JARID2: variants seen among roughly 807,000 people sequenced by gnomAD.
JARID2 encodes jumonji and AT-rich interaction domain containing 2, also known as protein Jumonji.
JARID2 carries 21 observed loss-of-function variants against 125.6 expected under a neutral mutation model. The observed-to-expected ratio is 0.17, with a 90% CI of 0.12 to 0.24. JARID2 has a LOEUF of 0.24. Ranked by LOEUF, JARID2 falls within the 10% of genes least tolerant of loss-of-function variation. JARID2 has a pLI of 1.00. For missense variants in JARID2, 1,303 were observed against 1,639.6 expected (o/e 0.79, Z 3.55); for synonymous variants, 736 against 661.6 (o/e 1.11, Z -1.73).
At chr6:15,275,278 G>T (rs1176219781) in intron 1 of JARID2, among the ~76,000 whole-genome samples, 1 of 152,158 alleles carries the variant, frequency 6.6e-6, no homozygotes, top group Non-Finnish European at 1.5e-5. Context: ...CTAAAAGGAG[G>T]TTACATAGAC....
intron 2 of JARID2, among the ~76,000 whole-genome samples, chr6:15,388,499 C>A (rs1427378829): frequency 4.0e-5 from 6 of 151,282 alleles, no homozygotes; most frequent in Admixed American, 4.0e-4. Context: ...AATTTCTTTC[C>A]CAAGGATGAT....
intron 2 of JARID2, among the ~76,000 whole-genome samples, chr6:15,393,552 G>A (rs1018240662): frequency 6.6e-6 from 1 of 152,186 alleles, no homozygotes; most frequent in African/African-American, 2.4e-5. Flanking sequence ...TCTGAATTGT[G>A]GAAAAATTCA....
chr6:15,259,011 C>T (rs954504742), intron 1 of JARID2, among the ~76,000 whole-genome samples: 5 of 152,130 alleles, frequency 3.3e-5, no homozygotes, highest in African/African-American at 9.7e-5. Context: ...GGTTTTTCTT[C>T]CTAACTTATG....
At chr6:15,377,488 T>G (rs1159100374) in intron 2 of JARID2, among the ~76,000 whole-genome samples, 2 of 151,862 alleles carry the variant, frequency 1.3e-5, no homozygotes, top group East Asian at 3.9e-4. Context: ...ATGGTGGTGG[T>G]TTTTTGTGAG....
rs183499492 is a variant in JARID2, at chr6:15,368,236, G to A, written c.46-5881G>A. On this transcript the variant is annotated intron_variant, in intron 1 of 17. Transcript: ENST00000341776. ...GTGGCCTGTACAAGGTTTTAATTTTGATGTTTTTTGTTTTTTTGTCTTTAA... is the reference window on the plus strand; with the variant it reads ...GTGGCCTGTACAAGGTTTTAATTTTAATGTTTTTTGTTTTTTTGTCTTTAA... Among the ~76,000 whole-genome samples the A allele has an allele frequency of 2.4e-3, 368 of 152,200 alleles. 1 individual carries two copies. The highest frequency in any genetic ancestry group is 8.0e-3 in the African/African-American group (333 of 41,498).
chr6:15,283,186 G>T (rs547949006), intron 1 of JARID2, among the ~76,000 whole-genome samples: 8 of 149,010 alleles, frequency 5.4e-5, no homozygotes, highest in Non-Finnish European at 1.2e-4. Flanking sequence ...CACCGTGTTA[G>T]CCAGGACGGT....
chr6:15,475,024 G>T (rs1345795716), intron 5 of JARID2, among the ~76,000 whole-genome samples: 1 of 152,196 alleles, frequency 6.6e-6, no homozygotes, highest in East Asian at 1.9e-4. Flanking sequence ...GGATCACCTA[G>T]AGCTTTGTTT....
At chr6:15,508,478 A>AG in intron 12 of JARID2, 24 bp downstream of exon 12, 1 of 1,247,396 alleles carries the variant, frequency 8.0e-7, no homozygotes, top group Non-Finnish European at 1.2e-6. Context: ...CCAGGCGGGA[A>AG]GGGAGGGACT....
chr6:15,324,652 T>G (rs1762475580), intron 1 of JARID2, among the ~76,000 whole-genome samples: 1 of 137,810 alleles, frequency 7.3e-6, no homozygotes. Flanking sequence ...GATTTTTGTG[T>G]TTTTTTTTTT....
At chr6:15,299,124 C>T (rs1761515002) in intron 1 of JARID2, among the ~76,000 whole-genome samples, 2 of 152,036 alleles carry the variant, frequency 1.3e-5, no homozygotes, top group Admixed American at 1.3e-4. Context: ...TATCTGTACC[C>T]GACATTTGTC....
rs141099352 is a variant in JARID2 at position 15,513,893 on chromosome 6, A to G, written c.3450+471A>G. ...TGGTTTCCTGGTCCTGCTCAGCTACATGATCTGCCTCAGCCCCCGAGGACT... is the reference window on the plus strand; with the variant it reads ...TGGTTTCCTGGTCCTGCTCAGCTACGTGATCTGCCTCAGCCCCCGAGGACT... On this transcript the variant is annotated intron_variant, in intron 16 of 17. Coordinates refer to ENST00000341776, the MANE Select transcript of JARID2 (RefSeq NM_004973.4). Among the ~76,000 whole-genome samples the G allele has an allele frequency of 1.6e-3, 238 of 152,294 alleles. 1 individual carries two copies. The highest frequency in any genetic ancestry group is 5.1e-3 in the African/African-American group (210 of 41,574).
rs549650119 is a variant in JARID2, at chr6:15,522,015, T to G, written c.*1764T>G. 6.6e-6 allele frequency: 1 copy of G among 152,302 alleles called. No individual in the cohort carries two copies. The highest frequency in any genetic ancestry group is 2.1e-4 in the South Asian group (1 of 4,824). 9.4% of individuals were successfully genotyped at this position (152,302 alleles called of 1,614,324 possible). On this transcript the variant is annotated 3_prime_UTR_variant, in exon 18 of 18. Coordinates refer to ENST00000341776, the MANE Select transcript of JARID2 (RefSeq NM_004973.4). ...CAAGGTTTAATAATAAAAACAAAGT[T>G]TTTTGGACATTTGTCTGTCTTGTGG...
intron 1 of JARID2, among the ~76,000 whole-genome samples, chr6:15,267,196 G>T (rs945109456): frequency 6.6e-6 from 1 of 152,204 alleles, no homozygotes; most frequent in Non-Finnish European, 1.5e-5. Context: ...TGTCCAAAGA[G>T]ACCCTGGGCT....
At chr6:15,433,996 AT>A (rs1767092896) in intron 3 of JARID2, among the ~76,000 whole-genome samples, 2 of 146,330 alleles carry the variant, frequency 1.4e-5, no homozygotes, top group Non-Finnish European at 3.0e-5. Context: ...GGTTGAGAAT[AT>A]GTATGTGCCA....
intron 5 of JARID2, among the ~76,000 whole-genome samples, chr6:15,476,568 C>G (rs1398753761): frequency 1.3e-5 from 2 of 152,214 alleles, no homozygotes; most frequent in African/African-American, 4.8e-5. Flanking sequence ...ACTGAACATC[C>G]TAATGGAAAT....
At chr6:15,418,319 A>G (rs974959288) in intron 3 of JARID2, among the ~76,000 whole-genome samples, 2 of 150,612 alleles carry the variant, frequency 1.3e-5, no homozygotes, top group African/African-American at 4.9e-5. Context: ...CCCGAGTTCA[A>G]GCCATTCCAT....
At chr6:15,255,547 T>C (rs768927967) in intron 1 of JARID2, among the ~76,000 whole-genome samples, 45 of 152,188 alleles carry the variant, frequency 3.0e-4, no homozygotes, top group Non-Finnish European at 5.7e-4. Context: ...CCCAGTTTAT[T>C]GATCTCTTAA....
chr6:15,421,570 C>A (rs73365221), intron 3 of JARID2, among the ~76,000 whole-genome samples: 4,696 of 152,268 alleles, frequency 0.031, 235 homozygotes, highest in African/African-American at 0.11. Flanking sequence ...GCTATGTAAT[C>A]TGTCTCTTCC....
At chr6:15,363,781 G>C (rs1581459063) in intron 1 of JARID2, among the ~76,000 whole-genome samples, 2 of 152,200 alleles carry the variant, frequency 1.3e-5, no homozygotes, top group African/African-American at 4.8e-5. Context: ...ATGCTTTTTG[G>C]AGGGAAAATG....
Sources: allele counts gnomAD v4.1 joint callset (sites outside exome capture counted in the v4.1 genomes callset), GRCh38; gene constraint gnomAD v4.1.1; transcripts MANE v1.5; gene names NCBI Gene and HGNC (gene_info 2026-07-23, HGNC 2026-07-21).